The following VPS37C variants were observed in gnomAD, a reference collection of about 807,000 sequenced individuals.
VPS37C encodes vacuolar protein sorting-associated protein 37C.
In VPS37C, 9 loss-of-function variants were observed where a neutral mutation model predicts 16.1. The observed-to-expected ratio is 0.56, with a 90% confidence interval of 0.34 to 0.97. The LOEUF is 0.97. VPS37C is among the 50% of genes least tolerant of loss of function. The probability of loss-of-function intolerance (pLI) is 0.02; values close to 1 mark genes in which losing one functional copy is unlikely to be tolerated. For missense variants in VPS37C, 479 were observed against 472.7 expected (o/e 1.01, Z -0.12); for synonymous variants, 207 against 206.4 (o/e 1.00, Z -0.02).
At chr11:61,158,629 C>A (rs1488471135) in intron 1 of VPS37C, among the ~76,000 whole-genome samples, 1 of 152,114 alleles carries the variant, frequency 6.6e-6, no homozygotes, top group African/African-American at 2.4e-5. Context: ...GATAAATCAG[C>A]GGAACTAAAA....
At chr11:61,151,137 C>G (rs759295397) in intron 1 of VPS37C, among the ~76,000 whole-genome samples, 4 of 152,206 alleles carry the variant, frequency 2.6e-5, no homozygotes, top group Non-Finnish European at 1.5e-5. Context: ...TCACTGTGCT[C>G]GGCTGCCTCG....
At chr11:61,139,660 A>ACCCGG (rs1306484367) in intron 1 of VPS37C, among the ~76,000 whole-genome samples, 1 of 148,902 alleles carries the variant, frequency 6.7e-6, no homozygotes, top group African/African-American at 2.5e-5. Context: ...GCACAAATAC[A>ACCCGG]CCCGGCACCT....
intron 1 of VPS37C, 100 bp from the exon 2 acceptor site, chr11:61,138,935 C>G (rs868766108): frequency 1.8e-6 from 2 of 1,093,334 alleles, no homozygotes; most frequent in Middle Eastern, 2.0e-4. Context: ...TGGAGTTTTC[C>G]TGCGATAATA....
chr11:61,149,609 A>G (rs776500268), intron 1 of VPS37C, among the ~76,000 whole-genome samples: 2 of 152,332 alleles, frequency 1.3e-5, no homozygotes, highest in Non-Finnish European at 2.9e-5. Flanking sequence ...GAGGACTCTG[A>G]AAGAGCTGAT....
intron 1 of VPS37C, among the ~76,000 whole-genome samples, chr11:61,150,214 C>A (rs139785019): frequency 2.6e-4 from 39 of 152,198 alleles, no homozygotes; most frequent in East Asian, 5.8e-4. Context: ...GGGTCCCCCC[C>A]ACCCCTGATG....
intron 2 of VPS37C, chr11:61,138,404 G>A (rs1161509968): frequency 7.8e-6 from 2 of 256,746 alleles, no homozygotes; most frequent in Non-Finnish European, 1.5e-5. Context: ...ATATGGGATC[G>A]CACAAGGCTC....
intron 1 of VPS37C, among the ~76,000 whole-genome samples, chr11:61,159,697 G>C (rs1303099454): frequency 6.7e-6 from 1 of 148,520 alleles, no homozygotes; most frequent in Non-Finnish European, 1.5e-5. Flanking sequence ...CTGGGCGACA[G>C]AGCGAGACTC....
intron 1 of VPS37C, among the ~76,000 whole-genome samples, chr11:61,152,189 G>A (rs1565196216): frequency 2.0e-5 from 3 of 152,196 alleles, no homozygotes; most frequent in Non-Finnish European, 4.4e-5. Flanking sequence ...TAAGACCGCT[G>A]TACTCACTGA....
At position 61,131,845 on chromosome 11, in the gene VPS37C, G is replaced by C; in HGVS notation, c.1043C>G (p.Pro348Arg). Reference protein sequence around the residue: ...PAPPYGFPPPPGPAWPGY With the variant: ...PAPPYGFPPPRGPAWPGY ...CTAATACCCAGGCCAGGCAGGCCCC[G>C]GCGGTGGTGGGAACCCATAGGGAGG... Residue 348 changes from proline to arginine, a missense_variant, in exon 5 of 5, where the codon CCG (proline) becomes CGG (arginine). Transcript: ENST00000301765. The C allele has an allele frequency of 7.9e-7, 1 of 1,261,358 alleles. No homozygotes were observed. The highest frequency in any genetic ancestry group is 1.0e-6 in the Non-Finnish European group (1 of 997,768). The allele number at this position is 1,261,358 out of a possible 1,614,324, so 78.1% of individuals were successfully genotyped here. A position where few individuals can be genotyped will look rare whatever the true frequency, so the allele number is the denominator to read the frequency against.
chr11:61,154,459 G>T (rs1426095382), intron 1 of VPS37C, among the ~76,000 whole-genome samples: 3 of 152,068 alleles, frequency 2.0e-5, no homozygotes, highest in Non-Finnish European at 4.4e-5. Flanking sequence ...AATATCAGCA[G>T]ATTAGACAAT....
intron 4 of VPS37C, 45 bp downstream of exon 4, chr11:61,133,210 C>G: frequency 6.2e-7 from 1 of 1,601,694 alleles, no homozygotes; most frequent in Non-Finnish European, 8.5e-7. Flanking sequence ...GCTGCAGGGA[C>G]TGACACCCCG....
At chr11:61,148,661 GA>G (rs1440926344) in intron 1 of VPS37C, among the ~76,000 whole-genome samples, 2 of 151,818 alleles carry the variant, frequency 1.3e-5, no homozygotes, top group African/African-American at 4.8e-5. Context: ...CCCACAAGTG[GA>G]AAAGTTACAG....
chr11:61,147,148 A>C (rs1853220421), intron 1 of VPS37C, among the ~76,000 whole-genome samples: 1 of 152,188 alleles, frequency 6.6e-6, no homozygotes, highest in Non-Finnish European at 1.5e-5. Context: ...AGACAAGTGC[A>C]AGGGTACAGA....
At chr11:61,151,816 G>GC (rs1295763468) in intron 1 of VPS37C, among the ~76,000 whole-genome samples, 1 of 152,190 alleles carries the variant, frequency 6.6e-6, no homozygotes, top group African/African-American at 2.4e-5. Context: ...CAAAATGACG[G>GC]CCAAGAAACA....
chr11:61,159,901 CAAAAAAAAAAAAAA>C (rs35953020), intron 1 of VPS37C, among the ~76,000 whole-genome samples: 95 of 49,552 alleles, frequency 1.9e-3, no homozygotes, highest in African/African-American at 7.6e-3. Context: ...GACTCCGTCT[CAAAAAAAAAAAAAA>C]AAAAAAAAAA....
chr11:61,147,875 G>C lies in VPS37C; in HGVS notation c.-6-9040C>G, dbSNP rs146323155. ...GTGTCTGGACAGAATTCTGTCCTGT[G>C]CAGACATGGAATTTGAAAACAGATG... On this transcript the variant is annotated intron_variant, in intron 1 of 4. Coordinates refer to ENST00000301765, the MANE Select transcript of VPS37C (RefSeq NM_017966.5). Among the ~76,000 whole-genome samples, 750 of 152,258 alleles carry C rather than the reference G, an allele frequency of 4.9e-3. 6 individuals carry two copies. Among genetic ancestry groups the C allele is most frequent in the African/African-American group, 0.017 (722 of 41,546 alleles).
At chr11:61,150,449 G>A (rs531682386) in intron 1 of VPS37C, among the ~76,000 whole-genome samples, 4 of 151,980 alleles carry the variant, frequency 2.6e-5, no homozygotes, top group South Asian at 4.2e-4. Flanking sequence ...GGGTGGCGGC[G>A]GGAGGGGTCA....
At chr11:61,134,286 G>T in intron 2 of VPS37C, 79 bp from the exon 3 acceptor site, 1 of 1,490,992 alleles carries the variant, frequency 6.7e-7, no homozygotes, top group African/African-American at 1.4e-5. Context: ...AGGGGCTTCG[G>T]GGACACATTG....
At position 61,131,006 on chromosome 11, in the gene VPS37C, G is replaced by T; in HGVS notation, c.*814C>A. ...GGGACCCCAGAGGAGAGAAGGGAGGGTGGCTGGGGAGGTGACCTGGCCCTC... is the reference window on the plus strand; with the variant it reads ...GGGACCCCAGAGGAGAGAAGGGAGGTTGGCTGGGGAGGTGACCTGGCCCTC... On this transcript the variant is annotated 3_prime_UTR_variant, in exon 5 of 5. Coordinates refer to ENST00000301765, the MANE Select transcript of VPS37C (RefSeq NM_017966.5). 3.3e-6 allele frequency: 1 copy of T among 306,156 alleles called. No individual in the cohort carries two copies. The highest frequency in any genetic ancestry group is 6.2e-6 in the Non-Finnish European group (1 of 161,822). 19.0% of individuals were successfully genotyped at this position (306,156 alleles called of 1,614,324 possible). A position where few individuals can be genotyped will look rare whatever the true frequency, so the allele number is the denominator to read the frequency against.
Sources: allele counts gnomAD v4.1 joint callset (sites outside exome capture counted in the v4.1 genomes callset), GRCh38; gene constraint gnomAD v4.1.1; transcripts MANE v1.5; gene names NCBI Gene and HGNC (gene_info 2026-07-23, HGNC 2026-07-21).